Variants in DNAJB4 observed in about 807,000 individuals in gnomAD.
The protein encoded by DNAJB4 is dnaJ homolog subfamily B member 4.
In DNAJB4, 10 loss-of-function variants were observed where a neutral mutation model predicts 26.6. The observed-to-expected ratio is 0.38, with a 90% CI of 0.23 to 0.64. The LOEUF (loss-of-function observed/expected upper bound fraction) is 0.64, where lower values mean the gene tolerates loss of function less well. Among genes scored for constraint, DNAJB4 ranks in the 30% least tolerant of loss-of-function variants. The probability of loss-of-function intolerance (pLI) is 0.58; values close to 1 mark genes in which losing one functional copy is unlikely to be tolerated. For missense variants in DNAJB4, 328 were observed against 408.2 expected (o/e 0.80, Z 1.69); for synonymous variants, 136 against 134.8 (o/e 1.01, Z -0.06).
upstream of DNAJB4, among the ~76,000 whole-genome samples, chr1:78,002,110 A>T (rs561734164): frequency 6.6e-6 from 1 of 152,040 alleles, no homozygotes; most frequent in African/African-American, 2.4e-5. Flanking sequence ...ATTTCTATGT[A>T]TTTTTTTGGT....
chr1:77,990,270 G>C (rs1659899942), intron 1 of DNAJB4, among the ~76,000 whole-genome samples: 1 of 152,036 alleles, frequency 6.6e-6, no homozygotes, highest in South Asian at 2.1e-4. Context: ...CTTAAATGCT[G>C]GTCATCCCAA....
In DNAJB4 at chr1:78,013,175, T is replaced by C; in HGVS notation, c.336T>C (p.Phe112=). Residue 112 remains phenylalanine, a synonymous_variant, in exon 2 of 3, where the codon TTT becomes TTC. Transcript: ENST00000370763. ...FGGSNPFEIF[F]GRRMGGGRDS... ...GGTCCAACCCCTTTGAAATTTTCTT[T>C]GGAAGACGAATGGGTGGTGGTAGAG... 2 of 1,614,198 alleles carry C rather than the reference T, an allele frequency of 1.2e-6. No individual in the cohort carries two copies. The highest frequency in any genetic ancestry group is 1.7e-6 in the Non-Finnish European group (2 of 1,180,038).
chr1:78,004,947 A>C lies in DNAJB4; in HGVS notation c.-164A>C, dbSNP rs977665808. 4 of 691,206 alleles carry C rather than the reference A, an allele frequency of 5.8e-6. No individual in the cohort carries two copies. Among genetic ancestry groups the C allele is most frequent in the Non-Finnish European group, 9.9e-6 (4 of 402,838 alleles). 42.8% of individuals were successfully genotyped at this position (691,206 alleles called of 1,614,324 possible). On this transcript the variant is annotated 5_prime_UTR_variant, in exon 1 of 3. Coordinates refer to ENST00000370763, the MANE Select transcript of DNAJB4 (RefSeq NM_007034.5). Reference sequence around the variant, plus strand: ...AAGTGAGCCGTTGGGGAAGGATTGAATACAGAGACGCTGTCTGCTTGCTGC... The same window carrying C: ...AAGTGAGCCGTTGGGGAAGGATTGACTACAGAGACGCTGTCTGCTTGCTGC...
chr1:77,991,337 T>G (rs1284315156), intron 1 of DNAJB4, among the ~76,000 whole-genome samples: 1 of 152,198 alleles, frequency 6.6e-6, no homozygotes, highest in Non-Finnish European at 1.5e-5. Context: ...ATTTGTCAGT[T>G]CTGTATTTAT....
chr1:78,011,960 TTATA>T (rs1191956813), intron 1 of DNAJB4, among the ~76,000 whole-genome samples: 1 of 148,564 alleles, frequency 6.7e-6, no homozygotes, highest in Non-Finnish European at 1.5e-5. Context: ...TTTTTAAATG[TTATA>T]TATATTGTTT....
intron 1 of DNAJB4, among the ~76,000 whole-genome samples, chr1:77,985,181 A>G (rs2102586648): frequency 6.6e-6 from 1 of 152,314 alleles, no homozygotes; most frequent in East Asian, 1.9e-4. Context: ...TTGAAAGATC[A>G]AGGATCTTTG....
rs1446102454 is a variant in DNAJB4 at position 78,016,190 on chromosome 1, A to C, written c.957A>C (p.Pro319=). The change falls in exon 3 of 3, where the codon CCA becomes CCC. Residue 319 remains proline (P), a synonymous_variant. Transcript: ENST00000370763. ...DLLIEFEVSF[P]DTISSSSKEV... is the part of the protein sequence containing the mutation. Reference sequence around the variant, plus strand: ...TAATAGAATTTGAGGTGTCCTTCCCAGATACTATATCTTCTTCATCCAAAG... The same window carrying C: ...TAATAGAATTTGAGGTGTCCTTCCCCGATACTATATCTTCTTCATCCAAAG... 6.2e-7 allele frequency: 1 copy of C among 1,614,040 alleles called. No individual in the cohort carries two copies. The highest frequency in any genetic ancestry group is 2.2e-5 in the East Asian group (1 of 44,872).
At chr1:77,992,561 G>A (rs1659958747) in intron 1 of DNAJB4, among the ~76,000 whole-genome samples, 1 of 152,056 alleles carries the variant, frequency 6.6e-6, no homozygotes, top group Non-Finnish European at 1.5e-5. Context: ...ACAGAGGTAT[G>A]ATTATTAAAC....
chr1:78,014,720 G>T (rs1571451236), intron 2 of DNAJB4, among the ~76,000 whole-genome samples: 1 of 151,600 alleles, frequency 6.6e-6, no homozygotes, highest in Non-Finnish European at 1.5e-5. Flanking sequence ...CCTGCCTCAG[G>T]TTCCTGAGTA....
chr1:78,001,666 A>T (rs1660197860), upstream of DNAJB4, among the ~76,000 whole-genome samples: 1 of 152,184 alleles, frequency 6.6e-6, no homozygotes, highest in Non-Finnish European at 1.5e-5. Flanking sequence ...TTTGTGGTTA[A>T]AATGCTATCT....
At position 77,996,034 on chromosome 1, in the gene DNAJB4, T is replaced by C. The variant is rs181612495; in HGVS notation, c.-31-9046T>C. On this transcript the variant is annotated intron_variant, in intron 1 of 2. Coordinates refer to the DNAJB4 transcript ENST00000426517. ...TAGCTCGCCATACATTCACTAGTCATTAGCAAGCTTTCAAGGACTTATTGT... is the reference window on the plus strand; with the variant it reads ...TAGCTCGCCATACATTCACTAGTCACTAGCAAGCTTTCAAGGACTTATTGT... Among the ~76,000 whole-genome samples, 5 of 152,324 alleles carry C rather than the reference T, an allele frequency of 3.3e-5. No individual in the cohort carries two copies. In the East Asian group the frequency reaches 7.7e-4, roughly 23 times the overall value.
At chr1:78,012,322 C>G (rs2102613354) in intron 1 of DNAJB4, among the ~76,000 whole-genome samples, 1 of 151,612 alleles carries the variant, frequency 6.6e-6, no homozygotes, top group South Asian at 2.1e-4. Context: ...GCCACCACAC[C>G]TGGCTAATTT....
At chr1:77,984,218 G>A (rs930139805) in intron 1 of DNAJB4, among the ~76,000 whole-genome samples, 1 of 152,176 alleles carries the variant, frequency 6.6e-6, no homozygotes, top group African/African-American at 2.4e-5. Flanking sequence ...CATTCATCCT[G>A]TGAAAATCCT....
At chr1:78,014,815 C>T (rs1481178208) in intron 2 of DNAJB4, among the ~76,000 whole-genome samples, 6 of 151,730 alleles carry the variant, frequency 4.0e-5, no homozygotes, top group East Asian at 1.9e-4. Context: ...TGGCCAGGCT[C>T]GTCTTGAACT....
chr1:77,996,369 A>G (rs985230883), intron 1 of DNAJB4, among the ~76,000 whole-genome samples: 3 of 151,998 alleles, frequency 2.0e-5, no homozygotes, highest in Non-Finnish European at 4.4e-5. Flanking sequence ...TACCCAGGCT[A>G]GTCTCAAACT....
chr1:78,000,797 G>C (rs1010195297), upstream of DNAJB4, among the ~76,000 whole-genome samples: 1 of 151,980 alleles, frequency 6.6e-6, no homozygotes. Flanking sequence ...GCCTGGCCAA[G>C]GTGGCAAAAC....
At chr1:77,985,678 T>C (rs1659774382) in intron 1 of DNAJB4, among the ~76,000 whole-genome samples, 1 of 152,112 alleles carries the variant, frequency 6.6e-6, no homozygotes, top group African/African-American at 2.4e-5. Flanking sequence ...TAAATGAAGA[T>C]TGAGAGGTTT....
In DNAJB4 at chr1:78,016,407, GGGATTTTTACA is replaced by G; in HGVS notation, c.*162_*172del. The G allele has an allele frequency of 8.3e-6, 5 of 602,822 alleles. No individual in the cohort carries two copies. In the South Asian group the frequency reaches 1.2e-4, roughly 14 times the overall value. 37.3% of individuals were successfully genotyped at this position (602,822 alleles called of 1,614,324 possible). On this transcript the variant is annotated 3_prime_UTR_variant, in exon 3 of 3. Transcript: ENST00000370763. ...AGACGGGTCAAATAAATAGGCAAAAGGGATTTTTACAGTTAGAGATAAAAGAGAAAACCATT... is the reference window on the plus strand; with the variant it reads ...AGACGGGTCAAATAAATAGGCAAAAGGTTAGAGATAAAAGAGAAAACCATT...
Position 78,016,105 on chromosome 1 carries a change from G to C in DNAJB4, c.872G>C (p.Arg291Thr). 2 of 1,614,102 alleles carry C rather than the reference G, an allele frequency of 1.2e-6. No individual in the cohort carries two copies. The highest frequency in any genetic ancestry group is 1.7e-6 in the Non-Finnish European group (2 of 1,179,996). ...GATATTGTGAAACCCGGAATGAGGA[G>C]AAGAATTATTGGATATGGGCTGCCA... ...VNDIVKPGMR[R>T]RIIGYGLPFP... Residue 291 changes from arginine (R) to threonine (T), a missense_variant, in exon 3 of 3, where the codon AGA becomes ACA. Physicochemically the swap from Arg to Thr is moderately conservative, Grantham distance 71 (BLOSUM62 -1). Coordinates refer to ENST00000370763, the MANE Select transcript of DNAJB4 (RefSeq NM_007034.5).
Sources: allele counts gnomAD v4.1 joint callset (sites outside exome capture counted in the v4.1 genomes callset), GRCh38; gene constraint gnomAD v4.1.1; transcripts MANE v1.5; gene names NCBI Gene and HGNC (gene_info 2026-07-23, HGNC 2026-07-21).